The following TBCK variants were observed in gnomAD, a reference collection of about 807,000 sequenced individuals.
The protein encoded by TBCK is TBC1 domain containing kinase.
A neutral mutation model predicts 113.4 loss-of-function variants in TBCK; 99 were observed. The observed-to-expected ratio is 0.87, with a 90% CI of 0.74 to 1.03. TBCK has a LOEUF of 1.03. Among genes scored for constraint, TBCK ranks in the 50% least tolerant of loss-of-function variants. The pLI is 0.00. For missense variants in TBCK, 1,045 were observed against 1,061.3 expected, an observed-to-expected ratio of 0.98 and a Z score of 0.21; for synonymous variants, 369 against 370.8, an observed-to-expected ratio of 1.00 and a Z score of 0.05.
Position 106,281,317 on chromosome 4 carries a change from T to C in TBCK, c.266+13777A>G, listed in dbSNP as rs186503914. 3.1e-4 allele frequency among the ~76,000 whole-genome samples: 47 copies of C among 151,616 alleles called. No homozygotes were observed. In the East Asian group the frequency reaches 5.8e-3, roughly 19 times the overall value. ...CACTTCTAATCATTTTTTTTTTTGG[T>C]GTAGTCTTTAGTTTTCTCCAAATAT... On this transcript the variant is annotated intron_variant, in intron 3 of 25. Coordinates refer to ENST00000394708, the MANE Select transcript of TBCK (RefSeq NM_001163435.3).
At chr4:106,207,079 A>G (rs1252258053) in intron 20 of TBCK, among the ~76,000 whole-genome samples, 4 of 152,204 alleles carry the variant, frequency 2.6e-5, no homozygotes, top group Non-Finnish European at 5.9e-5. Flanking sequence ...ATATTTTTAA[A>G]AGCAGAAACA....
At chr4:106,101,492 G>A (rs943922767) in intron 24 of TBCK, among the ~76,000 whole-genome samples, 1 of 152,106 alleles carries the variant, frequency 6.6e-6, no homozygotes, top group Non-Finnish European at 1.5e-5. Flanking sequence ...CTTTGAAGAA[G>A]TTTTTATAAA....
chr4:106,129,984 T>C (rs557662101), intron 23 of TBCK, among the ~76,000 whole-genome samples: 2 of 152,362 alleles, frequency 1.3e-5, no homozygotes, highest in South Asian at 4.1e-4. Flanking sequence ...GACAGTGCTC[T>C]CTACTTGCCT....
chr4:106,316,563 G>A (rs1768908716), upstream of TBCK: 14 of 1,551,570 alleles, frequency 9.0e-6, no homozygotes, highest in East Asian at 2.4e-5. Context: ...TCCTGCTGTG[G>A]CTGTCTCGGA....
At chr4:106,304,769 T>C (rs1182926630) in intron 2 of TBCK, among the ~76,000 whole-genome samples, 1 of 152,132 alleles carries the variant, frequency 6.6e-6, no homozygotes, top group African/African-American at 2.4e-5. Context: ...TAAATCTCCC[T>C]CTGTAAAGAT....
chr4:106,190,214 T>C, intron 22 of TBCK, among the ~76,000 whole-genome samples: 1 of 152,310 alleles, frequency 6.6e-6, no homozygotes, highest in African/African-American at 2.4e-5. Context: ...ATTTAATTTA[T>C]ATTTATCCCT....
intron 24 of TBCK, among the ~76,000 whole-genome samples, chr4:106,105,186 C>T (rs150726392): frequency 6.6e-6 from 1 of 152,332 alleles, no homozygotes; most frequent in East Asian, 1.9e-4. Flanking sequence ...GAGAGGAGGC[C>T]AGTCCATCTC....
intron 24 of TBCK, among the ~76,000 whole-genome samples, chr4:106,113,099 G>A (rs546552523): frequency 1.3e-5 from 2 of 152,266 alleles, no homozygotes; most frequent in African/African-American, 4.8e-5. Flanking sequence ...GAGTCCACCC[G>A]ATATGTCATT....
intron 22 of TBCK, among the ~76,000 whole-genome samples, chr4:106,187,469 T>G (rs1386613012): frequency 2.0e-5 from 3 of 151,852 alleles, no homozygotes; most frequent in Non-Finnish European, 1.5e-5. Context: ...CAGGCTGGAG[T>G]GCAGTGGCAC....
chr4:106,104,126 G>A (rs1741867783), intron 24 of TBCK, among the ~76,000 whole-genome samples: 1 of 152,160 alleles, frequency 6.6e-6, no homozygotes, highest in Non-Finnish European at 1.5e-5. Flanking sequence ...ATTATTATTG[G>A]GCTTTCTGGC....
intron 25 of TBCK, among the ~76,000 whole-genome samples, chr4:106,078,539 T>C (rs1233378724): frequency 2.0e-5 from 3 of 152,090 alleles, no homozygotes; most frequent in African/African-American, 4.8e-5. Context: ...CTAGAAGACA[T>C]TGATAAATTC....
intron 3 of TBCK, among the ~76,000 whole-genome samples, chr4:106,291,632 C>T (rs999108328): frequency 1.3e-5 from 2 of 152,192 alleles, no homozygotes; most frequent in Admixed American, 6.5e-5. Flanking sequence ...TTACTGAAAG[C>T]CACCACTTCA....
chr4:106,276,461 C>T (rs1447893698), intron 3 of TBCK, among the ~76,000 whole-genome samples: 1 of 152,200 alleles, frequency 6.6e-6, no homozygotes, highest in African/African-American at 2.4e-5. Context: ...CTTGTAGTCC[C>T]AGCTATTTGG....
chr4:106,120,649 T>C (rs1560676865), intron 23 of TBCK, among the ~76,000 whole-genome samples: 1 of 152,100 alleles, frequency 6.6e-6, no homozygotes, highest in East Asian at 1.9e-4. Flanking sequence ...CTCAGGTGGG[T>C]CCCTGACCCC....
intron 23 of TBCK, among the ~76,000 whole-genome samples, chr4:106,156,367 A>G (rs746894627): frequency 6.6e-6 from 1 of 152,172 alleles, no homozygotes; most frequent in East Asian, 1.9e-4. Flanking sequence ...TGCTGTCATA[A>G]CTACTATCAT....
At chr4:106,256,857 A>C (rs535296593) in intron 5 of TBCK, among the ~76,000 whole-genome samples, 1 of 152,172 alleles carries the variant, frequency 6.6e-6, no homozygotes, top group Non-Finnish European at 1.5e-5. Flanking sequence ...TATAAAAGCT[A>C]TACATGGTAT....
chr4:106,235,008 C>A (rs753800931), intron 15 of TBCK, among the ~76,000 whole-genome samples: 12 of 152,022 alleles, frequency 7.9e-5, no homozygotes, highest in Admixed American at 1.3e-4. Flanking sequence ...TTAAAATATT[C>A]TATGGTAATA....
intron 23 of TBCK, among the ~76,000 whole-genome samples, chr4:106,120,637 T>C (rs1261245083): frequency 6.6e-6 from 1 of 152,156 alleles, no homozygotes; most frequent in Admixed American, 6.5e-5. Context: ...GCAGACTGTC[T>C]CCTCAGGTGG....
intron 23 of TBCK, among the ~76,000 whole-genome samples, chr4:106,126,830 C>T (rs1263602588): frequency 6.6e-6 from 1 of 150,986 alleles, no homozygotes; most frequent in African/African-American, 2.4e-5. Context: ...AATTTGTCAA[C>T]AAAGTCATCT....
Sources: gnomAD v4.1 joint callset for allele counts (sites outside exome capture counted in the v4.1 genomes callset) on GRCh38, gnomAD v4.1.1 for gene constraint, MANE v1.5 for transcripts, NCBI Gene and HGNC (gene_info 2026-07-23, HGNC 2026-07-21) for gene names.